The following MYO3B variants were observed in gnomAD, a reference collection of about 807,000 sequenced individuals.
The protein encoded by MYO3B is myosin-IIIb.
Under a neutral mutation model 174.6 loss-of-function variants are expected in MYO3B, and 156 were observed. The ratio of observed to expected loss-of-function variants is 0.89; its 90% CI spans 0.78 to 1.02. The LOEUF is 1.02. MYO3B is among the 50% of genes least tolerant of loss of function. The pLI is 0.00. For synonymous variants in MYO3B, 563 were observed against 569.1 expected (o/e 0.99, Z 0.15); for missense variants, 1,632 against 1,639.4 (o/e 1.00, Z 0.08).
intron 7 of MYO3B, among the ~76,000 whole-genome samples, chr2:170,300,791 C>T (rs2093660544): frequency 6.6e-6 from 1 of 152,160 alleles, no homozygotes; most frequent in Admixed American, 6.5e-5. Context: ...TGAAACCTAC[C>T]ACATTACATC....
chr2:170,294,289 T>C (rs2093614825), intron 7 of MYO3B, among the ~76,000 whole-genome samples: 1 of 151,546 alleles, frequency 6.6e-6, no homozygotes. Flanking sequence ...GACAGCCCAA[T>C]TTTTGGTTTT....
chr2:170,268,880 C>T (rs1451454790), intron 7 of MYO3B, among the ~76,000 whole-genome samples: 1 of 152,010 alleles, frequency 6.6e-6, no homozygotes, highest in Non-Finnish European at 1.5e-5. Context: ...ATACAAATGG[C>T]CATTCAAAAC....
At chr2:170,406,329 T>C (rs2094508986) in intron 21 of MYO3B, among the ~76,000 whole-genome samples, 3 of 152,168 alleles carry the variant, frequency 2.0e-5, no homozygotes, top group African/African-American at 7.2e-5. Context: ...TAAAAGACAT[T>C]TTTGATTATT....
intron 23 of MYO3B, among the ~76,000 whole-genome samples, chr2:170,455,955 T>C (rs546709672): frequency 6.6e-6 from 1 of 152,138 alleles, no homozygotes; most frequent in African/African-American, 2.4e-5. Context: ...ATATTGGTCT[T>C]ATAGGGGCCA....
intron 6 of MYO3B, among the ~76,000 whole-genome samples, chr2:170,230,921 A>T (rs985133401): frequency 7.2e-5 from 11 of 152,188 alleles, no homozygotes; most frequent in African/African-American, 2.7e-4. Flanking sequence ...ACCCAGTGAG[A>T]GGGTGGCAAA....
chr2:170,182,494 CCT>C (rs1382944583), intron 1 of MYO3B, among the ~76,000 whole-genome samples: 1 of 152,076 alleles, frequency 6.6e-6, no homozygotes, highest in African/African-American at 2.4e-5. Context: ...TATTTCTACC[CCT>C]GTGGCATAAT....
intron 7 of MYO3B, among the ~76,000 whole-genome samples, chr2:170,259,448 G>A (rs979799756): frequency 3.9e-5 from 6 of 152,074 alleles, no homozygotes; most frequent in Admixed American, 6.5e-5. Context: ...ACACAAATAA[G>A]CAATGGGGAA....
At chr2:170,620,858 T>A (rs1046481369) in intron 32 of MYO3B, among the ~76,000 whole-genome samples, 2 of 152,310 alleles carry the variant, frequency 1.3e-5, no homozygotes, top group Admixed American at 1.3e-4. Flanking sequence ...AAAGACATGA[T>A]CTCTAGCCTC....
intron 32 of MYO3B, among the ~76,000 whole-genome samples, chr2:170,623,713 C>T (rs1373011339): frequency 6.6e-6 from 1 of 152,136 alleles, no homozygotes; most frequent in Non-Finnish European, 1.5e-5. Flanking sequence ...TTAGGTCTAA[C>T]ATTTAAGTTT....
At chr2:170,613,556 G>A (rs904182935) in intron 32 of MYO3B, among the ~76,000 whole-genome samples, 18 of 152,162 alleles carry the variant, frequency 1.2e-4, no homozygotes, top group Admixed American at 3.3e-4. Flanking sequence ...TCCCAAGTCC[G>A]AGTCCTGTGA....
At chr2:170,570,316 G>GGAGTTGAGTTGGTT (rs1692354929) in intron 32 of MYO3B, among the ~76,000 whole-genome samples, 2 of 152,160 alleles carry the variant, frequency 1.3e-5, no homozygotes, top group Non-Finnish European at 1.5e-5. Flanking sequence ...TTTGAAGATT[G>GGAGTTGAGTTGGTT]GAGTTGAGTT....
At chr2:170,559,150 G>GCCAACCCAGAGCTAGAAC (rs1374975398) in intron 32 of MYO3B, among the ~76,000 whole-genome samples, 1 of 152,070 alleles carries the variant, frequency 6.6e-6, no homozygotes, top group Non-Finnish European at 1.5e-5. Flanking sequence ...ATATTAGTTG[G>GCCAACCCAGAGCTAGAAC]CCAACCCAGA....
At chr2:170,307,492 T>C (rs2093708706) in intron 7 of MYO3B, among the ~76,000 whole-genome samples, 2 of 152,234 alleles carry the variant, frequency 1.3e-5, no homozygotes, top group African/African-American at 2.4e-5. Flanking sequence ...GAGAATGTAT[T>C]GCATATCAGT....
At chr2:170,625,511 G>C (rs1324499048) in intron 32 of MYO3B, among the ~76,000 whole-genome samples, 1 of 152,102 alleles carries the variant, frequency 6.6e-6, no homozygotes. Context: ...CCAGCTCCTG[G>C]ATTCATTGAT....
Position 170,387,187 on chromosome 2 carries a change from A to G in MYO3B, c.1456A>G (p.Asn486Asp), listed in dbSNP as rs1358183747. The change falls in exon 14 of 35, where the codon AAT (asparagine) becomes GAT (aspartate). Residue 486 changes from asparagine (N) to aspartate (D), a missense_variant. Coordinates refer to ENST00000408978, the MANE Select transcript of MYO3B (RefSeq NM_138995.5). The part of the protein sequence containing the change: ...EAFGNSCTAI[N>D]DNSSRFGKYL... Reference sequence around the variant, plus strand: ...CTTTGGGAACTCATGCACTGCCATCAATGACAACTCGAGCCGTTTTGGAAA... The same window carrying G: ...CTTTGGGAACTCATGCACTGCCATCGATGACAACTCGAGCCGTTTTGGAAA... 1 of 1,614,076 alleles carries G rather than the reference A, an allele frequency of 6.2e-7. No homozygotes were observed. The highest frequency in any genetic ancestry group is 8.5e-7 in the Non-Finnish European group (1 of 1,180,022).
At chr2:170,364,171 G>A (rs1161605645) in intron 8 of MYO3B, among the ~76,000 whole-genome samples, 3 of 152,106 alleles carry the variant, frequency 2.0e-5, no homozygotes, top group Non-Finnish European at 2.9e-5. Flanking sequence ...AAAATCATGC[G>A]ACTAATTGCT....
chr2:170,261,795 G>A (rs2093347805), intron 7 of MYO3B, among the ~76,000 whole-genome samples: 1 of 152,186 alleles, frequency 6.6e-6, no homozygotes, highest in South Asian at 2.1e-4. Flanking sequence ...TTGGCTGATG[G>A]TACAAATGTC....
At chr2:170,608,577 T>TGC (rs772099367) in intron 32 of MYO3B, among the ~76,000 whole-genome samples, 25 of 151,868 alleles carry the variant, frequency 1.6e-4, no homozygotes, top group Non-Finnish European at 3.5e-4. Context: ...TGCATAGATG[T>TGC]GCTCAGAACA....
intron 7 of MYO3B, among the ~76,000 whole-genome samples, chr2:170,310,924 C>T (rs2093735054): frequency 6.6e-6 from 1 of 152,136 alleles, no homozygotes; most frequent in African/African-American, 2.4e-5. Context: ...AGACCCCCCA[C>T]TTCCCATCAT....
Sources: gnomAD v4.1 joint callset for allele counts (sites outside exome capture counted in the v4.1 genomes callset) on GRCh38, gnomAD v4.1.1 for gene constraint, MANE v1.5 for transcripts, NCBI Gene and HGNC (gene_info 2026-07-23, HGNC 2026-07-21) for gene names.